RGS17: variants seen among roughly 807,000 people sequenced by gnomAD.
RGS17 encodes regulator of G-protein signaling 17.
In RGS17, 12 loss-of-function variants were observed where a neutral mutation model predicts 25.5. The observed-to-expected ratio is 0.47, with a 90% CI of 0.30 to 0.76. The LOEUF (loss-of-function observed/expected upper bound fraction) is 0.76. Ranked by LOEUF, RGS17 falls within the 30% of genes least tolerant of loss-of-function variation. RGS17 has a pLI of 0.07. For missense variants in RGS17, 196 were observed against 242.2 expected (o/e 0.81, Z 1.27); for synonymous variants, 71 against 76.9 (o/e 0.92, Z 0.40).
At chr6:153,086,861 C>A (rs956197389) in intron 1 of RGS17, among the ~76,000 whole-genome samples, 6 of 152,194 alleles carry the variant, frequency 3.9e-5, no homozygotes, top group Admixed American at 2.6e-4. Context: ...AGTAATATTT[C>A]TTGACATGAA....
chr6:153,078,175 C>T (rs1441001174), intron 1 of RGS17, among the ~76,000 whole-genome samples: 3 of 152,272 alleles, frequency 2.0e-5, no homozygotes, highest in Middle Eastern at 3.4e-3. Flanking sequence ...AGCTGACTTA[C>T]ACTATCTTTA....
chr6:153,025,067 T>C (rs1779285114), intron 3 of RGS17, among the ~76,000 whole-genome samples: 1 of 152,060 alleles, frequency 6.6e-6, no homozygotes, highest in African/African-American at 2.4e-5. Context: ...CCCAGTGCTT[T>C]GGGAGGCTGA....
At position 153,010,237 on chromosome 6, in the gene RGS17, C is replaced by T. The variant is rs1779116358; in HGVS notation, c.*1337G>A. ...GTAACACTTTGATATAAATATGACA[C>T]TGATTATTTTAATTATCACTTTTAT... On this transcript the variant is annotated 3_prime_UTR_variant, in exon 5 of 5. Coordinates refer to ENST00000206262, the MANE Select transcript of RGS17 (RefSeq NM_012419.5). 6.6e-6 allele frequency: 1 copy of T among 151,774 alleles called. No individual in the cohort carries two copies. Among genetic ancestry groups the T allele is most frequent in the African/African-American group, 2.4e-5 (1 of 41,352 alleles). The allele number at this position is 151,774 out of a possible 1,614,324, so 9.4% of individuals were successfully genotyped here. A position where few individuals can be genotyped will look rare whatever the true frequency, so the allele number is the denominator to read the frequency against.
chr6:153,044,993 C>A (rs898753592), intron 1 of RGS17, among the ~76,000 whole-genome samples: 1 of 152,126 alleles, frequency 6.6e-6, no homozygotes, highest in African/African-American at 2.4e-5. Flanking sequence ...AAATCATACA[C>A]ATATATTGTC....
At chr6:153,068,494 A>G (rs1328213684) in intron 1 of RGS17, among the ~76,000 whole-genome samples, 1 of 152,164 alleles carries the variant, frequency 6.6e-6, no homozygotes, top group Non-Finnish European at 1.5e-5. Context: ...TCAGACTATG[A>G]AACTTTTACA....
chr6:153,029,456 T>G (rs1314585231), intron 2 of RGS17, among the ~76,000 whole-genome samples: 1 of 152,236 alleles, frequency 6.6e-6, no homozygotes, highest in East Asian at 1.9e-4. Flanking sequence ...GTTGTTGTTG[T>G]TTTTATTAAT....
intron 4 of RGS17, among the ~76,000 whole-genome samples, chr6:153,020,395 C>T (rs1779236875): frequency 6.6e-6 from 1 of 151,464 alleles, no homozygotes; most frequent in Non-Finnish European, 1.5e-5. Flanking sequence ...CCTTGTAATC[C>T]ACCCATCTTG....
At chr6:153,124,374 C>A (rs62435968) in intron 1 of RGS17, among the ~76,000 whole-genome samples, 1 of 152,006 alleles carries the variant, frequency 6.6e-6, no homozygotes, top group Non-Finnish European at 1.5e-5. Flanking sequence ...GGATAACACA[C>A]GAAATACATG....
chr6:153,015,094 A>G (rs112446700), intron 4 of RGS17, among the ~76,000 whole-genome samples: 3,385 of 152,306 alleles, frequency 0.022, 111 homozygotes, highest in African/African-American at 0.078. Context: ...GCCTGAGGAT[A>G]GGACTGATTG....
rs1330577741 is a variant in RGS17, at chr6:153,127,977, C to CCT, written c.-26+3146_-26+3147insAG. ...GTGCTGGCACAATAGCAGGAATGAT[C>CCT]GTCTAAATGAATTTCTTTGGAAGTT... On this transcript the variant is annotated intron_variant, in intron 1 of 4. Transcript: ENST00000206262. 3.9e-5 allele frequency among the ~76,000 whole-genome samples: 6 copies of CCT among 152,222 alleles called. No individual in the cohort carries two copies. The East Asian group carries it at 7.7e-4, about 20-fold the overall frequency.
At chr6:153,121,276 T>G (rs1367569860) in intron 1 of RGS17, among the ~76,000 whole-genome samples, 2 of 152,318 alleles carry the variant, frequency 1.3e-5, no homozygotes, top group Admixed American at 6.5e-5. Flanking sequence ...TCTCTTTCCT[T>G]TGTTGCTGCC....
intron 4 of RGS17, 37 bp downstream of exon 4, chr6:153,024,225 C>T: frequency 7.0e-7 from 1 of 1,435,840 alleles, no homozygotes; most frequent in Non-Finnish European, 9.7e-7. Flanking sequence ...TATCCTTGGT[C>T]TTAGGAAGCC....
At chr6:153,024,622 A>C in intron 3 of RGS17, 126 bp from the exon 4 acceptor site, 1 of 696,814 alleles carries the variant, frequency 1.4e-6, no homozygotes, top group South Asian at 1.8e-5. Flanking sequence ...GTATTTTGCC[A>C]CTCAGTCCAG....
chr6:153,015,043 G>T (rs545890871), intron 4 of RGS17, among the ~76,000 whole-genome samples: 1 of 152,334 alleles, frequency 6.6e-6, no homozygotes, highest in East Asian at 1.9e-4. Flanking sequence ...ACTAACTGCA[G>T]ATGTGGTGGA....
rs775153006 is a variant in RGS17, at chr6:153,011,546, C to T, written c.*28G>A. 2.0e-6 allele frequency: 3 copies of T among 1,501,620 alleles called. No homozygotes were observed. The highest frequency in any genetic ancestry group is 2.8e-6 in the Non-Finnish European group (3 of 1,089,194). The allele number at this position is 1,501,620 out of a possible 1,614,324, so 93.0% of individuals were successfully genotyped here. The stretch of plus-strand genomic sequence containing the variant: ...ACTACTTTTATTTCCCATCTCAGCC[C>T]TCCAAAATGATTGTTTTTAAATGAA... On this transcript the variant is annotated 3_prime_UTR_variant, in exon 5 of 5. Coordinates refer to ENST00000206262, the MANE Select transcript of RGS17 (RefSeq NM_012419.5).
At chr6:153,062,977 G>T (rs1285180226) in intron 1 of RGS17, among the ~76,000 whole-genome samples, 2 of 152,154 alleles carry the variant, frequency 1.3e-5, no homozygotes, top group African/African-American at 2.4e-5. Flanking sequence ...GACCATCAAG[G>T]CAGTACCTGT....
chr6:153,068,287 A>AAT (rs1257453253), intron 1 of RGS17, among the ~76,000 whole-genome samples: 2 of 126,252 alleles, frequency 1.6e-5, no homozygotes, highest in Admixed American at 7.9e-5. Flanking sequence ...TGCTACTAAA[A>AAT]ATACAAAAAA....
intron 1 of RGS17, among the ~76,000 whole-genome samples, chr6:153,090,809 T>C (rs146716895): frequency 2.8e-4 from 42 of 151,604 alleles, no homozygotes; most frequent in Non-Finnish European, 5.0e-4. Context: ...AGTAATCAGA[T>C]TGAAAAAACA....
At position 153,005,357 on chromosome 6, in the gene RGS17, TTAG is replaced by T. The variant is rs1360650628; in HGVS notation, c.*6214_*6216del. 3 of 152,364 alleles carry T rather than the reference TTAG, an allele frequency of 2.0e-5. No individual in the cohort carries two copies. The East Asian group carries it at 5.8e-4, about 29-fold the overall frequency. The allele number at this position is 152,364 out of a possible 1,614,324, so 9.4% of individuals were successfully genotyped here. A position where few individuals can be genotyped will look rare whatever the true frequency, so the allele number is the denominator to read the frequency against. On this transcript the variant is annotated 3_prime_UTR_variant, in exon 5 of 5. Transcript: ENST00000206262. Reference sequence around the variant, plus strand: ...CACTGTATTTTCTTTATAGCATTTATTAGTAATCACTTAGTGGAACCTAATATT... The same window carrying T: ...CACTGTATTTTCTTTATAGCATTTATTAATCACTTAGTGGAACCTAATATT...
Sources: allele counts gnomAD v4.1 joint callset (sites outside exome capture counted in the v4.1 genomes callset), GRCh38; gene constraint gnomAD v4.1.1; transcripts MANE v1.5; gene names NCBI Gene and HGNC (gene_info 2026-07-23, HGNC 2026-07-21).